Variants in R3HCC1L observed in about 807,000 individuals in gnomAD.
R3HCC1L encodes the protein R3H domain and coiled-coil containing 1 like.
Under a neutral mutation model 59.9 loss-of-function variants are expected in R3HCC1L, and 51 were observed. The ratio of observed to expected loss-of-function variants is 0.85; its 90% CI spans 0.68 to 1.07. R3HCC1L has a LOEUF of 1.07. Among genes scored for constraint, R3HCC1L ranks in the 50% least tolerant of loss-of-function variants. The pLI, the probability that R3HCC1L is intolerant of heterozygous loss-of-function variation, is 0.00. For synonymous variants in R3HCC1L, 322 were observed against 315.2 expected (o/e 1.02, Z -0.23); for missense variants, 965 against 933.0 (o/e 1.03, Z -0.45).
At chr10:98,207,863 A>G (rs1003234293) in intron 4 of R3HCC1L, among the ~76,000 whole-genome samples, 3 of 151,972 alleles carry the variant, frequency 2.0e-5, no homozygotes, top group Non-Finnish European at 2.9e-5. Context: ...ACAAAAACAA[A>G]CAAACAAAAC....
At chr10:98,147,764 C>T (rs1355712405) in intron 1 of R3HCC1L, among the ~76,000 whole-genome samples, 6 of 152,068 alleles carry the variant, frequency 3.9e-5, no homozygotes, top group South Asian at 2.1e-4. Flanking sequence ...TCCCATTGGT[C>T]TATGTGTCTG....
chr10:98,148,166 T>C (rs574385561), intron 1 of R3HCC1L, among the ~76,000 whole-genome samples: 1 of 152,270 alleles, frequency 6.6e-6, no homozygotes, highest in African/African-American at 2.4e-5. Flanking sequence ...GCAAATGGGA[T>C]TGCTTCCTTG....
chr10:98,163,298 G>A lies in R3HCC1L; in HGVS notation c.-114G>A. ...TTATTATTACTATTTTTCAGGTGAG[G>A]CTGCTGTCAGAAAGGAACTTTTACA... On this transcript the variant is annotated 5_prime_UTR_variant, in exon 4 of 10. Coordinates refer to ENST00000298999, the MANE Select transcript of R3HCC1L (RefSeq NM_001351015.2). The A allele has an allele frequency of 6.0e-6, 4 of 671,358 alleles. No individual in the cohort carries two copies. Among genetic ancestry groups the A allele is most frequent in the Non-Finnish European group, 9.0e-6 (4 of 445,686 alleles). The allele number at this position is 671,358 out of a possible 1,614,324, so 41.6% of individuals were successfully genotyped here. A position where few individuals can be genotyped will look rare whatever the true frequency, so the allele number is the denominator to read the frequency against.
intron 4 of R3HCC1L, among the ~76,000 whole-genome samples, chr10:98,195,692 C>T (rs1851358830): frequency 6.6e-6 from 1 of 152,044 alleles, no homozygotes; most frequent in Non-Finnish European, 1.5e-5. Flanking sequence ...TAAAACTGTA[C>T]CTTGTTAAAC....
chr10:98,193,087 A>AT (rs1226231095), intron 4 of R3HCC1L, among the ~76,000 whole-genome samples: 1 of 139,820 alleles, frequency 7.2e-6, no homozygotes, highest in Non-Finnish European at 1.6e-5. Context: ...CCTTTTTATG[A>AT]TAAAAACACT....
chr10:98,242,145 G>A (rs1264230859), intron 9 of R3HCC1L, among the ~76,000 whole-genome samples: 1 of 152,178 alleles, frequency 6.6e-6, no homozygotes, highest in Non-Finnish European at 1.5e-5. Flanking sequence ...AGGAGTTCAA[G>A]ACCATTCTGG....
At chr10:98,180,502 G>A (rs1330929034) in intron 4 of R3HCC1L, among the ~76,000 whole-genome samples, 3 of 152,118 alleles carry the variant, frequency 2.0e-5, no homozygotes, top group Non-Finnish European at 4.4e-5. Flanking sequence ...TTTGGAATAC[G>A]TGCCATGTGG....
intron 5 of R3HCC1L, among the ~76,000 whole-genome samples, chr10:98,222,099 C>T (rs1041246618): frequency 6.6e-6 from 1 of 152,084 alleles, no homozygotes; most frequent in African/African-American, 2.4e-5. Context: ...CTTCACATCC[C>T]TTGTAAGTTG....
chr10:98,198,174 T>C (rs1851646287), intron 4 of R3HCC1L, among the ~76,000 whole-genome samples: 1 of 151,994 alleles, frequency 6.6e-6, no homozygotes. Context: ...ACTATGAAGT[T>C]AGGGAGAGGA....
chr10:98,171,701 G>A (rs907065000), intron 4 of R3HCC1L, among the ~76,000 whole-genome samples: 1 of 152,192 alleles, frequency 6.6e-6, no homozygotes, highest in Non-Finnish European at 1.5e-5. Flanking sequence ...AAGAGAGCAT[G>A]TAGGTTCTGG....
intron 5 of R3HCC1L, among the ~76,000 whole-genome samples, chr10:98,225,225 T>C (rs912111882): frequency 2.0e-5 from 3 of 152,190 alleles, no homozygotes; most frequent in Non-Finnish European, 4.4e-5. Context: ...TACATCAGAT[T>C]GTAGAGCTTT....
At chr10:98,153,894 C>G (rs576653278) in intron 1 of R3HCC1L, among the ~76,000 whole-genome samples, 8 of 151,708 alleles carry the variant, frequency 5.3e-5, no homozygotes, top group African/African-American at 1.9e-4. Flanking sequence ...TGTTCAGATT[C>G]TATTATTTTC....
chr10:98,186,609 C>T, intron 4 of R3HCC1L: 1 of 681,922 alleles, frequency 1.5e-6, no homozygotes, highest in African/African-American at 2.0e-5. Context: ...TTATACACAA[C>T]ATTGCTGTGG....
intron 2 of R3HCC1L, among the ~76,000 whole-genome samples, chr10:98,162,672 T>TTGTGTGTGTGTGTGTGTGTGTGTCTC (rs1215612364): frequency 1.4e-5 from 2 of 148,114 alleles, no homozygotes; most frequent in South Asian, 4.3e-4. Flanking sequence ...GTGTGTGTGT[T>TTGTGTGTGTGTGTGTGTGTGTGTCTC]TGTGTGTGTG....
chr10:98,159,272 C>A (rs1847174440), intron 2 of R3HCC1L, among the ~76,000 whole-genome samples: 1 of 152,194 alleles, frequency 6.6e-6, no homozygotes, highest in Non-Finnish European at 1.5e-5. Flanking sequence ...ACAAGATGTT[C>A]AAATACTGGT....
intron 1 of R3HCC1L, among the ~76,000 whole-genome samples, chr10:98,144,999 G>T (rs1367933352): frequency 1.3e-5 from 2 of 152,200 alleles, no homozygotes; most frequent in African/African-American, 2.4e-5. Flanking sequence ...CAAATAGAAT[G>T]ATTTTTACTG....
At chr10:98,191,939 T>C (rs1483220982) in intron 4 of R3HCC1L, among the ~76,000 whole-genome samples, 6 of 152,074 alleles carry the variant, frequency 3.9e-5, no homozygotes, top group Admixed American at 3.9e-4. Context: ...ATTCTTCTAC[T>C]TCAGCCTTCC....
chr10:98,158,469 T>G (rs1289757765), intron 2 of R3HCC1L, among the ~76,000 whole-genome samples: 1 of 152,216 alleles, frequency 6.6e-6, no homozygotes, highest in Non-Finnish European at 1.5e-5. Context: ...TACAGAGAGT[T>G]CACCCAAATA....
chr10:98,219,107 T>C (rs1854569199), intron 5 of R3HCC1L, among the ~76,000 whole-genome samples: 1 of 152,222 alleles, frequency 6.6e-6, no homozygotes, highest in African/African-American at 2.4e-5. Context: ...AGACAGGGTT[T>C]CACCATGTTG....
Sources: allele counts gnomAD v4.1 joint callset (sites outside exome capture counted in the v4.1 genomes callset), GRCh38; gene constraint gnomAD v4.1.1; transcripts MANE v1.5; gene names NCBI Gene and HGNC (gene_info 2026-07-23, HGNC 2026-07-21).